Variants in PAX2 observed in about 807,000 individuals in gnomAD.
The protein encoded by PAX2 is paired box protein Pax-2.
A neutral mutation model predicts 41.7 loss-of-function variants in PAX2; 9 were observed. The ratio of observed to expected loss-of-function variants is 0.22; its 90% CI spans 0.13 to 0.38. PAX2 has a LOEUF of 0.38. Among genes scored for constraint, PAX2 ranks in the 10% least tolerant of loss-of-function variants. PAX2 has a pLI of 1.00. For missense variants in PAX2, 418 were observed against 531.6 expected, an observed-to-expected ratio of 0.79 and a Z score of 2.10; for synonymous variants, 221 against 212.7, an observed-to-expected ratio of 1.04 and a Z score of -0.34.
chr10:100,754,630 C>T (rs761905366), intron 3 of PAX2, among the ~76,000 whole-genome samples: 4 of 152,202 alleles, frequency 2.6e-5, no homozygotes, highest in Non-Finnish European at 5.9e-5. Flanking sequence ...GGTCATTGTT[C>T]CCCTTGGGTC....
At chr10:100,790,029 A>G (rs192856209) in intron 5 of PAX2, among the ~76,000 whole-genome samples, 101 of 152,376 alleles carry the variant, frequency 6.6e-4, no homozygotes, top group Non-Finnish European at 1.3e-3. Flanking sequence ...GCATCTGCAT[A>G]TAAGTCCTTG....
At chr10:100,805,124 G>A (rs1418940494) in intron 5 of PAX2, among the ~76,000 whole-genome samples, 2 of 151,428 alleles carry the variant, frequency 1.3e-5, no homozygotes, top group African/African-American at 4.9e-5. Context: ...GGGAAGATGG[G>A]AGGTCACATT....
intron 4 of PAX2, among the ~76,000 whole-genome samples, chr10:100,779,958 G>A (rs1231715503): frequency 6.6e-6 from 1 of 151,540 alleles, no homozygotes; most frequent in African/African-American, 2.4e-5. Context: ...CTCCCTACCT[G>A]TGCCCTCTTT....
chr10:100,815,222 C>G (rs1848147713), intron 7 of PAX2, among the ~76,000 whole-genome samples: 1 of 152,316 alleles, frequency 6.6e-6, no homozygotes, highest in East Asian at 1.9e-4. Context: ...TTGGCCAGCC[C>G]CCGGGGGAGG....
chr10:100,758,006 A>G (rs1845696129), intron 3 of PAX2, among the ~76,000 whole-genome samples: 1 of 152,186 alleles, frequency 6.6e-6, no homozygotes, highest in South Asian at 2.1e-4. Context: ...GCACATCCGC[A>G]ATCAACCATG....
chr10:100,779,785 T>C (rs993753624), intron 4 of PAX2, among the ~76,000 whole-genome samples: 2 of 152,174 alleles, frequency 1.3e-5, no homozygotes, highest in Non-Finnish European at 2.9e-5. Context: ...CTCCCACTTG[T>C]GTCACCTCCC....
upstream of PAX2, among the ~76,000 whole-genome samples, chr10:100,742,811 C>CTCTT (rs1328821726): frequency 2.2e-5 from 2 of 92,400 alleles, no homozygotes; most frequent in African/African-American, 3.9e-5. Context: ...TTCTTTCTTT[C>CTCTT]TCTTTCTTTT....
chr10:100,802,289 G>A (rs1423190219), intron 5 of PAX2, among the ~76,000 whole-genome samples: 2 of 152,222 alleles, frequency 1.3e-5, no homozygotes, highest in Non-Finnish European at 2.9e-5. Context: ...GAGTTCAAAT[G>A]TAGATGTGTT....
Position 100,748,781 on chromosome 10 carries a change from T to C in PAX2, c.44-965T>C, listed in dbSNP as rs1048623169. 1 of 985,232 alleles carries C rather than the reference T, an allele frequency of 1.0e-6. No homozygotes were observed. Among genetic ancestry groups the C allele is most frequent in the African/African-American group, 1.7e-5 (1 of 57,154 alleles). 61.0% of individuals were successfully genotyped at this position (985,232 alleles called of 1,614,324 possible). A position where few individuals can be genotyped will look rare whatever the true frequency, so the allele number is the denominator to read the frequency against. On this transcript the variant is annotated intron_variant, in intron 1 of 9. Coordinates refer to ENST00000355243, the MANE Select transcript of PAX2 (RefSeq NM_000278.5). This position sits in a 1 kb window ranked among gnomAD's most constrained non-coding sequence, Gnocchi z 5.0. ...GAGCAAAAGCCCGAGCCGCTCGGTTTCCTGGGGGGGCTGCCGAGGTCTGAG... is the reference window on the plus strand; with the variant it reads ...GAGCAAAAGCCCGAGCCGCTCGGTTCCCTGGGGGGGCTGCCGAGGTCTGAG...
At chr10:100,776,679 T>A (rs17113444) in intron 3 of PAX2, among the ~76,000 whole-genome samples, 2,891 of 152,230 alleles carry the variant, frequency 0.019, 93 homozygotes, top group African/African-American at 0.062. Context: ...CTCTTTCACC[T>A]CAAATGCTGC....
chr10:100,829,069 G>C lies in PAX2; in HGVS notation c.*1450G>C, dbSNP rs1283329963. The stretch of plus-strand genomic sequence containing the variant: ...GCCCATTAAAGCACAGCACGTCCTG[G>C]GGGAGGGGGGCATTTTTTATGTTAC... On this transcript the variant is annotated 3_prime_UTR_variant, in exon 10 of 10. Coordinates refer to ENST00000355243, the MANE Select transcript of PAX2 (RefSeq NM_000278.5). The C allele has an allele frequency of 1.3e-5, 3 of 229,720 alleles. No individual in the cohort carries two copies. Among genetic ancestry groups the C allele is most frequent in the Non-Finnish European group, 2.6e-5 (3 of 115,892 alleles). 14.2% of individuals were successfully genotyped at this position (229,720 alleles called of 1,614,324 possible).
intron 1 of PAX2, among the ~76,000 whole-genome samples, chr10:100,739,054 C>T (rs1439746121): frequency 6.6e-6 from 1 of 151,628 alleles, no homozygotes; most frequent in East Asian, 1.9e-4. Flanking sequence ...CACACACGGC[C>T]CCCATAGCCA....
At chr10:100,799,890 T>C (rs1022339343) in intron 5 of PAX2, among the ~76,000 whole-genome samples, 1 of 150,878 alleles carries the variant, frequency 6.6e-6, no homozygotes, top group Non-Finnish European at 1.5e-5. Context: ...GTTCAAGCGA[T>C]TCTCCTGCCT....
chr10:100,814,100 G>A (rs934798742), intron 7 of PAX2, among the ~76,000 whole-genome samples: 1 of 152,068 alleles, frequency 6.6e-6, no homozygotes, highest in Non-Finnish European at 1.5e-5. Context: ...TGTAATCCCA[G>A]CACTTTGGGA....
rs750607196 is a variant in PAX2, at chr10:100,750,690, G to T, written c.213-4G>T. 2.5e-6 allele frequency: 4 copies of T among 1,613,784 alleles called. No homozygotes were observed. In the Admixed American group the frequency reaches 5.0e-5, roughly 20 times the overall value. On this transcript the variant is annotated splice_region_variant and splice_polypyrimidine_tract_variant and intron_variant, in intron 2 of 9. Coordinates refer to ENST00000355243, the MANE Select transcript of PAX2 (RefSeq NM_000278.5). This position sits in a 1 kb window ranked among gnomAD's most constrained non-coding sequence, Gnocchi z 4.1. ...GGCTGACCCCGCCGGCTTTCCCGGCGCAGGTACTACGAGACCGGCAGCATC... is the reference window on the plus strand; with the variant it reads ...GGCTGACCCCGCCGGCTTTCCCGGCTCAGGTACTACGAGACCGGCAGCATC...
chr10:100,750,236 A>C lies in PAX2; in HGVS notation c.212+322A>C. 6.9e-6 allele frequency among the ~76,000 whole-genome samples: 1 copy of C among 144,220 alleles called. No individual in the cohort carries two copies. Among genetic ancestry groups the C allele is most frequent in the South Asian group, 2.1e-4 (1 of 4,750 alleles). 94.6% of individuals were successfully genotyped at this position (144,220 alleles called of 152,430 possible). Reference sequence around the variant, plus strand: ...ATACGGGGTGGGAGACATTAGAGGAATGGGGGGGGAGTGAAAATGGGTCCC... The same window carrying C: ...ATACGGGGTGGGAGACATTAGAGGACTGGGGGGGGAGTGAAAATGGGTCCC... On this transcript the variant is annotated intron_variant, in intron 2 of 9. Transcript: ENST00000355243. This position sits in a 1 kb window ranked among gnomAD's most constrained non-coding sequence, Gnocchi z 4.1.
chr10:100,829,016 G>T lies in PAX2; in HGVS notation c.*1397G>T, dbSNP rs946665005. 22 of 220,378 alleles carry T rather than the reference G, an allele frequency of 1.0e-4. No individual in the cohort carries two copies. Among genetic ancestry groups the T allele is most frequent in the African/African-American group, 5.0e-4 (22 of 44,234 alleles). The allele number at this position is 220,378 out of a possible 1,614,324, so 13.7% of individuals were successfully genotyped here. On this transcript the variant is annotated 3_prime_UTR_variant, in exon 10 of 10. Coordinates refer to ENST00000355243, the MANE Select transcript of PAX2 (RefSeq NM_000278.5). ...TGTGCTGTGAGAGTCGCCGCTCGCT[G>T]GGGGGGAAGGGGGGGACACAGCTAC...
Position 100,827,639 on chromosome 10 carries a change from A to G in PAX2, c.*20A>G. On this transcript the variant is annotated 3_prime_UTR_variant, in exon 10 of 10. Transcript: ENST00000355243. The surrounding 1 kb of genome is among the most constrained non-coding windows in gnomAD (Gnocchi z 8.5). ...CACTAGTTACCGCGGGGACCACATC[A>G]AGCTTCAGGCCGACAGCTTCGGCCT... 3 of 1,613,578 alleles carry G rather than the reference A, an allele frequency of 1.9e-6. No individual in the cohort carries two copies. The highest frequency in any genetic ancestry group is 2.5e-6 in the Non-Finnish European group (3 of 1,179,838).
chr10:100,759,013 C>T lies in PAX2; in HGVS notation c.410+8122C>T, dbSNP rs142552220. 8.0e-4 allele frequency among the ~76,000 whole-genome samples: 122 copies of T among 152,184 alleles called. 1 individual carries two copies. The East Asian group carries it at 0.018, about 22-fold the overall frequency. On this transcript the variant is annotated intron_variant, in intron 3 of 9. Transcript: ENST00000355243. ...GAGAGTGAGGCAGGAAGCGATGAAG[C>T]TGAGAGGTGGAAGGAAGGGCGCTGC...
Sources: gnomAD v4.1 joint callset for allele counts (sites outside exome capture counted in the v4.1 genomes callset) on GRCh38, gnomAD v4.1.1 for gene constraint, Gnocchi (gnomAD v3.1) non-coding constraint, MANE v1.5 for transcripts, NCBI Gene and HGNC (gene_info 2026-07-23, HGNC 2026-07-21) for gene names.